The following POU2F1 variants were observed in gnomAD, a reference collection of about 807,000 sequenced individuals.
POU2F1 encodes POU class 2 homeobox 1.
A neutral mutation model predicts 84.9 loss-of-function variants in POU2F1; 16 were observed. The observed-to-expected ratio is 0.19, with a 90% CI of 0.13 to 0.29. POU2F1 has a LOEUF of 0.29. Among genes scored for constraint, POU2F1 ranks in the 10% least tolerant of loss-of-function variants. The pLI is 1.00. For synonymous variants in POU2F1, 368 were observed against 368.3 expected (o/e 1.00, Z 0.01); for missense variants, 738 against 942.6 (o/e 0.78, Z 2.84).
chr1:167,243,625 G>GCCA (rs1433819168), intron 1 of POU2F1, among the ~76,000 whole-genome samples: 1 of 152,082 alleles, frequency 6.6e-6, no homozygotes, highest in Non-Finnish European at 1.5e-5. Context: ...ACAGGCTTGC[G>GCCA]CCACCATGCC....
Position 167,420,587 on chromosome 1 carries a change from AAACATTCTTGACCAAGAAAAAAGATAAG to A in POU2F1, c.*4778_*4805del. On this transcript the variant is annotated 3_prime_UTR_variant, in exon 16 of 16. Transcript: ENST00000367866. ...GTTCCCAAACCAGGTCATCCTCACG[AAACATTCTTGACCAAGAAAAAAGATAAG>A]GTCATTGAGATAGGAAGACAGAGGA... 6.6e-6 allele frequency: 1 copy of A among 152,246 alleles called. No individual in the cohort carries two copies. The highest frequency in any genetic ancestry group is 1.5e-5 in the Non-Finnish European group (1 of 68,044). The allele number at this position is 152,246 out of a possible 1,614,324, so 9.4% of individuals were successfully genotyped here.
intron 3 of POU2F1, among the ~76,000 whole-genome samples, chr1:167,367,442 G>A (rs958424773): frequency 6.6e-6 from 1 of 152,156 alleles, no homozygotes; most frequent in Non-Finnish European, 1.5e-5. Context: ...AAATGGTCAA[G>A]TATGAGACTA....
chr1:167,351,415 G>A (rs1658552215), intron 2 of POU2F1, among the ~76,000 whole-genome samples: 1 of 151,306 alleles, frequency 6.6e-6, no homozygotes, highest in African/African-American at 2.4e-5. Context: ...CTACTTGGGA[G>A]GCTGAGGCAG....
At chr1:167,373,741 C>T (rs1185673115) in intron 5 of POU2F1, among the ~76,000 whole-genome samples, 2 of 152,140 alleles carry the variant, frequency 1.3e-5, no homozygotes, top group African/African-American at 2.4e-5. Flanking sequence ...TATCCAGCAT[C>T]CTTGTTCCTC....
intron 1 of POU2F1, among the ~76,000 whole-genome samples, chr1:167,323,106 T>C (rs1175062507): frequency 6.6e-6 from 1 of 152,248 alleles, no homozygotes; most frequent in Non-Finnish European, 1.5e-5. Context: ...TTCCTATGCC[T>C]GTGCCTGAAA....
chr1:167,395,139 T>TA (rs937807478), intron 9 of POU2F1, among the ~76,000 whole-genome samples: 1 of 152,234 alleles, frequency 6.6e-6, no homozygotes, highest in African/African-American at 2.4e-5. Context: ...GCAACTATCT[T>TA]ACGCTTTTTT....
At chr1:167,261,047 C>G (rs1400995048) in intron 1 of POU2F1, among the ~76,000 whole-genome samples, 4 of 152,094 alleles carry the variant, frequency 2.6e-5, no homozygotes, top group Non-Finnish European at 4.4e-5. Flanking sequence ...CTTTAAACCA[C>G]TATTTTATAG....
intron 2 of POU2F1, among the ~76,000 whole-genome samples, chr1:167,347,664 A>T (rs1454751088): frequency 2.0e-5 from 3 of 152,150 alleles, no homozygotes; most frequent in South Asian, 4.2e-4. Flanking sequence ...AGGAAACCCT[A>T]TACCCCTTAA....
intron 1 of POU2F1, among the ~76,000 whole-genome samples, chr1:167,226,562 A>T (rs1294389494): frequency 1.3e-5 from 2 of 152,234 alleles, no homozygotes; most frequent in African/African-American, 4.8e-5. Context: ...AGCAGTAATA[A>T]CAATGGAAAC....
intron 1 of POU2F1, among the ~76,000 whole-genome samples, chr1:167,292,234 C>T (rs1378208900): frequency 1.3e-5 from 2 of 151,834 alleles, no homozygotes; most frequent in Admixed American, 1.3e-4. Context: ...GACACAAATG[C>T]CAGTATACCA....
intron 8 of POU2F1, among the ~76,000 whole-genome samples, chr1:167,386,263 G>A (rs1470500991): frequency 1.3e-5 from 2 of 152,184 alleles, no homozygotes; most frequent in African/African-American, 2.4e-5. Context: ...CACAATCACA[G>A]CCCACTCTAG....
At chr1:167,377,312 C>G (rs979889988) in intron 7 of POU2F1, among the ~76,000 whole-genome samples, 1 of 152,118 alleles carries the variant, frequency 6.6e-6, no homozygotes, top group Non-Finnish European at 1.5e-5. Flanking sequence ...AATGGCCAGG[C>G]GTGGTGGCTG....
At chr1:167,299,695 G>GTTTTTTTTTTTTTTTTTTTTTTT (rs571000920) in intron 1 of POU2F1, among the ~76,000 whole-genome samples, 9 of 139,346 alleles carry the variant, frequency 6.5e-5, no homozygotes, top group African/African-American at 2.5e-4. Flanking sequence ...GGAGACCAGA[G>GTTTTTTTTTTTTTTTTTTTTTTT]TTTTTTTTTT....
intron 1 of POU2F1, among the ~76,000 whole-genome samples, chr1:167,292,257 A>G (rs564021912): frequency 3.9e-5 from 6 of 152,216 alleles, no homozygotes; most frequent in Admixed American, 2.0e-4. Flanking sequence ...TCAAGATAGG[A>G]TCTTGGTTTG....
chr1:167,239,241 A>G (rs1032870336), intron 1 of POU2F1, among the ~76,000 whole-genome samples: 1 of 152,252 alleles, frequency 6.6e-6, no homozygotes, highest in Non-Finnish European at 1.5e-5. Context: ...GAAAAAGAAC[A>G]CTAGATTAAA....
chr1:167,269,410 C>T (rs1190210794), intron 1 of POU2F1, among the ~76,000 whole-genome samples: 1 of 152,018 alleles, frequency 6.6e-6, no homozygotes, highest in Non-Finnish European at 1.5e-5. Context: ...TAGTTTACAG[C>T]AAAGAATAAA....
At chr1:167,389,326 A>G (rs879586345) in intron 8 of POU2F1, among the ~76,000 whole-genome samples, 1 of 152,202 alleles carries the variant, frequency 6.6e-6, no homozygotes, top group Admixed American at 6.5e-5. Context: ...AAACCCAGTT[A>G]TAATAGGTTT....
chr1:167,303,042 A>G (rs1654824371), intron 1 of POU2F1, among the ~76,000 whole-genome samples: 2 of 152,098 alleles, frequency 1.3e-5, no homozygotes, highest in African/African-American at 4.8e-5. Context: ...ACCTGTATGG[A>G]TCTATTGCTA....
At chr1:167,380,161 T>C (rs1002811016) in intron 7 of POU2F1, 4 of 152,226 alleles carry the variant, frequency 2.6e-5, no homozygotes, top group Non-Finnish European at 5.9e-5. Context: ...AACTGTCTCT[T>C]TGTGAATCTT....
Sources: allele counts gnomAD v4.1 joint callset (sites outside exome capture counted in the v4.1 genomes callset), GRCh38; gene constraint gnomAD v4.1.1; transcripts MANE v1.5; gene names NCBI Gene and HGNC (gene_info 2026-07-23, HGNC 2026-07-21).